PUM2: variants seen among roughly 807,000 people sequenced by gnomAD.
PUM2 encodes the protein pumilio RNA binding family member 2, also known as pumilio homolog 2.
A neutral mutation model predicts 124.5 loss-of-function variants in PUM2; 57 were observed. The observed-to-expected ratio is 0.46, with a 90% CI of 0.37 to 0.57. PUM2 has a LOEUF of 0.57. Among genes scored for constraint, PUM2 ranks in the 20% least tolerant of loss-of-function variants. The pLI is 0.00. For synonymous variants in PUM2, 460 were observed against 446.1 expected, an observed-to-expected ratio of 1.03 and a Z score of -0.39; for missense variants, 1,065 against 1,290.6, an observed-to-expected ratio of 0.83 and a Z score of 2.68.
intron 13 of PUM2, 27 bp from the exon 14 acceptor site, chr2:20,263,487 A>C (rs1666792255): frequency 4.5e-6 from 7 of 1,561,724 alleles, no homozygotes; most frequent in Non-Finnish European, 6.1e-6. Context: ...ATGGTCAGCA[A>C]GTATTTTTGA....
At chr2:20,321,599 G>C (rs1412703843) in intron 2 of PUM2, among the ~76,000 whole-genome samples, 1 of 151,928 alleles carries the variant, frequency 6.6e-6, no homozygotes, top group Non-Finnish European at 1.5e-5. Flanking sequence ...TAAATGTAGG[G>C]GAAGGCAACA....
Position 20,260,465 on chromosome 2 carries a change from A to C in PUM2, c.2227T>G (p.Phe743Val). Residue 743 changes from phenylalanine (F) to valine (V), a missense_variant and splice_region_variant, in exon 15 of 21, where the codon TTC becomes GTC. By Grantham distance (50) the Phe-to-Val change is conservative. Transcript: ENST00000361078. ...GCTCTCTCTAGTTTTTGCTGTATGA[A>C]TCTACATAGGGAACATTTTTAATAT... is the stretch of plus-strand genomic sequence containing the variant. ...EFSQDQHGSR[F>V]IQQKLERATP... 6.2e-7 allele frequency: 1 copy of C among 1,605,544 alleles called. No homozygotes were observed. The highest frequency in any genetic ancestry group is 1.3e-5 in the African/African-American group (1 of 74,820).
chr2:20,345,027 T>C lies in PUM2; in HGVS notation c.-19+5570A>G, dbSNP rs118003005. 9.2e-3 allele frequency among the ~76,000 whole-genome samples: 1,347 copies of C among 145,730 alleles called. 48 individuals carry two copies. In the East Asian group the frequency reaches 0.096, roughly 10 times the overall value. ...AAAGAAAAGAAGATTCCGCTTTACC[T>C]CTTGTGGAAAGCTTTTCCTGTCCCT... On this transcript the variant is annotated intron_variant, in intron 1 of 20. Coordinates refer to ENST00000361078, the MANE Select transcript of PUM2 (RefSeq NM_015317.5).
At chr2:20,319,714 A>G (rs1681850378) in intron 2 of PUM2, among the ~76,000 whole-genome samples, 1 of 152,292 alleles carries the variant, frequency 6.6e-6, no homozygotes, top group Non-Finnish European at 1.5e-5. Context: ...ATAGGGTGTA[A>G]GATGAAACAT....
At chr2:20,336,600 T>C (rs1489994545) in intron 1 of PUM2, among the ~76,000 whole-genome samples, 1 of 152,002 alleles carries the variant, frequency 6.6e-6, no homozygotes, top group East Asian at 1.9e-4. Context: ...CACTGCAGCC[T>C]TGACCTCCCA....
intron 1 of PUM2, among the ~76,000 whole-genome samples, chr2:20,333,234 A>G (rs781369978): frequency 2.6e-5 from 4 of 152,220 alleles, no homozygotes; most frequent in Admixed American, 6.5e-5. Context: ...TTACTAGTGC[A>G]TAATCCAAAA....
intron 7 of PUM2, among the ~76,000 whole-genome samples, chr2:20,298,207 G>A (rs75193416): frequency 2.1e-3 from 314 of 152,314 alleles, no homozygotes; most frequent in African/African-American, 7.4e-3. Flanking sequence ...GGCACAGAGA[G>A]GAGGAACATC....
At chr2:20,336,921 C>A (rs1363461163) in intron 1 of PUM2, among the ~76,000 whole-genome samples, 1 of 151,728 alleles carries the variant, frequency 6.6e-6, no homozygotes, top group Non-Finnish European at 1.5e-5. Flanking sequence ...CACACCTGGC[C>A]TAGTATTCCT....
At chr2:20,255,075 CAGT>C in intron 18 of PUM2, 91 bp from the exon 19 acceptor site, 4 of 1,503,410 alleles carry the variant, frequency 2.7e-6, no homozygotes, top group Non-Finnish European at 3.6e-6. Context: ...TCTAAAAATC[CAGT>C]AGGATAGTTA....
At chr2:20,295,269 C>T (rs1426633401) in intron 8 of PUM2, among the ~76,000 whole-genome samples, 1 of 152,100 alleles carries the variant, frequency 6.6e-6, no homozygotes, top group African/African-American at 2.4e-5. Context: ...TAAGCTTCAC[C>T]ATTAAAGTAA....
intron 8 of PUM2, among the ~76,000 whole-genome samples, chr2:20,297,026 T>C (rs1247640404): frequency 6.6e-6 from 1 of 152,178 alleles, no homozygotes; most frequent in Non-Finnish European, 1.5e-5. Flanking sequence ...TTCTGGGTGG[T>C]AGTCTCAGGC....
chr2:20,261,424 T>TAAAAAA (rs1666235362), intron 14 of PUM2, among the ~76,000 whole-genome samples: 1 of 65,758 alleles, frequency 1.5e-5, no homozygotes, highest in Non-Finnish European at 3.4e-5. Context: ...AAAAAAAAAG[T>TAAAAAA]GTAGTACATA....
At chr2:20,290,546 T>C (rs1423817125) in intron 10 of PUM2, 106 bp downstream of exon 10, 30 of 1,201,494 alleles carry the variant, frequency 2.5e-5, no homozygotes, top group Admixed American at 2.9e-5. Context: ...TGTTACAAGG[T>C]AGGCAAGATT....
chr2:20,331,398 T>C lies in PUM2; in HGVS notation c.-18-4020A>G, dbSNP rs577329880. Among the ~76,000 whole-genome samples the C allele has an allele frequency of 8.5e-4, 130 of 152,298 alleles. 1 individual carries two copies. Among genetic ancestry groups the C allele is most frequent in the African/African-American group, 3.1e-3 (128 of 41,586 alleles). On this transcript the variant is annotated intron_variant, in intron 1 of 20. Coordinates refer to ENST00000361078, the MANE Select transcript of PUM2 (RefSeq NM_015317.5). ...AATCCCTTGGTTACTGTTATCCTAA[T>C]AGCTAAAATAAAGTGCTAGGTCAGA...
chr2:20,346,127 T>G (rs1688202849), intron 1 of PUM2, among the ~76,000 whole-genome samples: 1 of 152,226 alleles, frequency 6.6e-6, no homozygotes, highest in Non-Finnish European at 1.5e-5. Context: ...ACACTTCCAT[T>G]GAAAGGTGGT....
intron 3 of PUM2, among the ~76,000 whole-genome samples, chr2:20,313,792 C>T (rs1032355870): frequency 2.1e-5 from 3 of 140,452 alleles, no homozygotes; most frequent in African/African-American, 8.0e-5. Context: ...GCCATGTTCA[C>T]ACCACTGTAC....
At chr2:20,285,407 G>A (rs978518651) in intron 10 of PUM2, among the ~76,000 whole-genome samples, 1 of 152,192 alleles carries the variant, frequency 6.6e-6, no homozygotes, top group Non-Finnish European at 1.5e-5. Flanking sequence ...GAAATGAAAA[G>A]CAAAGCTCTG....
At chr2:20,252,381 A>G (rs1663633097) in intron 20 of PUM2, among the ~76,000 whole-genome samples, 1 of 152,234 alleles carries the variant, frequency 6.6e-6, no homozygotes, top group South Asian at 2.1e-4. Flanking sequence ...ACTGCACTCC[A>G]GCCTGTGCAA....
chr2:20,275,909 T>G (rs754216587), intron 13 of PUM2, among the ~76,000 whole-genome samples: 2 of 152,122 alleles, frequency 1.3e-5, no homozygotes, highest in Non-Finnish European at 2.9e-5. Flanking sequence ...TTATTTTGAC[T>G]GTGATTCAAA....
Sources: allele counts gnomAD v4.1 joint callset (sites outside exome capture counted in the v4.1 genomes callset), GRCh38; gene constraint gnomAD v4.1.1; transcripts MANE v1.5; gene names NCBI Gene and HGNC (gene_info 2026-07-23, HGNC 2026-07-21).